Variants in MTDH observed in about 807,000 individuals in gnomAD.
MTDH encodes protein LYRIC.
Under a neutral mutation model 72.7 loss-of-function variants are expected in MTDH, and 34 were observed. The observed-to-expected ratio is 0.47, with a 90% CI of 0.36 to 0.62. The LOEUF (loss-of-function observed/expected upper bound fraction) is 0.62, where lower values mean the gene tolerates loss of function less well. Ranked by LOEUF, MTDH falls within the 20% of genes least tolerant of loss-of-function variation. MTDH has a pLI of 0.00. For synonymous variants in MTDH, 266 were observed against 268.9 expected (o/e 0.99, Z 0.10); for missense variants, 677 against 699.4 (o/e 0.97, Z 0.36).
At chr8:97,705,156 G>A (rs1289521488) in intron 7 of MTDH, among the ~76,000 whole-genome samples, 1 of 151,934 alleles carries the variant, frequency 6.6e-6, no homozygotes, top group African/African-American at 2.4e-5. Context: ...AATTAGCCGG[G>A]TGTGGTGGTG....
intron 7 of MTDH, among the ~76,000 whole-genome samples, chr8:97,702,366 A>G (rs933649700): frequency 2.0e-5 from 3 of 152,224 alleles, no homozygotes; most frequent in Non-Finnish European, 2.9e-5. Flanking sequence ...GCCTTTGCCC[A>G]TATGCAGGTT....
At chr8:97,709,093 A>C (rs932018605) in intron 8 of MTDH, among the ~76,000 whole-genome samples, 1 of 151,622 alleles carries the variant, frequency 6.6e-6, no homozygotes, top group African/African-American at 2.4e-5. Context: ...CATGAGGCTG[A>C]CTGAGGCAAA....
chr8:97,707,969 TTTTTTC>T (rs757083633), intron 8 of MTDH, among the ~76,000 whole-genome samples: 74 of 152,018 alleles, frequency 4.9e-4, no homozygotes, highest in Non-Finnish European at 8.8e-4. Context: ...GGTCTTTTTT[TTTTTTC>T]TTTTTCTTTT....
intron 6 of MTDH, among the ~76,000 whole-genome samples, chr8:97,691,869 GT>G (rs148876283): frequency 0.025 from 3,825 of 151,812 alleles, 105 homozygotes; most frequent in African/African-American, 0.061. Context: ...GTTTTTTGTT[GT>G]TTTTTGTTTG....
chr8:97,712,443 T>G (rs888398529), intron 8 of MTDH, among the ~76,000 whole-genome samples: 1 of 152,230 alleles, frequency 6.6e-6, no homozygotes. Flanking sequence ...CTGAGTGATA[T>G]TCCATGGTCT....
At chr8:97,716,228 A>C (rs1814863879) in intron 9 of MTDH, among the ~76,000 whole-genome samples, 1 of 152,070 alleles carries the variant, frequency 6.6e-6, no homozygotes. Flanking sequence ...CTCTACTAAA[A>C]ATACAGCATT....
chr8:97,644,861 C>A lies in MTDH; in HGVS notation c.355C>A (p.Arg119=). Residue 119 remains arginine, a synonymous_variant, in exon 1 of 12, where the codon CGG becomes AGG. Transcript: ENST00000336273. ...LRSEEQKKKN[R]KKLSEKPKPN... Reference sequence around the variant, plus strand: ...GAGCGAGGAACAGAAGAAGAAGAACCGGAAGAAACTGTCCGAGAAGCCCAA... The same window carrying A: ...GAGCGAGGAACAGAAGAAGAAGAACAGGAAGAAACTGTCCGAGAAGCCCAA... 6.4e-7 allele frequency: 1 copy of A among 1,569,884 alleles called. No individual in the cohort carries two copies. The highest frequency in any genetic ancestry group is 2.0e-5 in the Admixed American group (1 of 49,390).
At position 97,706,678 on chromosome 8, in the gene MTDH, G is replaced by A. The variant is rs758997824; in HGVS notation, c.1200G>A (p.Glu400=). The change falls in exon 8 of 12, where the codon GAG becomes GAA. Residue 400 remains glutamate (E), a synonymous_variant. Coordinates refer to ENST00000336273, the MANE Select transcript of MTDH (RefSeq NM_178812.4). ...CTGATTGGAATGCACCAGCAGAAGAGTGGGGCAATTGGGTAGACGAAGAAA... is the reference window on the plus strand; with the variant it reads ...CTGATTGGAATGCACCAGCAGAAGAATGGGGCAATTGGGTAGACGAAGAAA... ...PNSDWNAPAE[E]WGNWVDEERA... 4 of 1,613,882 alleles carry A rather than the reference G, an allele frequency of 2.5e-6. No homozygotes were observed. In the Admixed American group the frequency reaches 5.0e-5, roughly 20 times the overall value.
chr8:97,667,491 T>C (rs28799093), intron 2 of MTDH, among the ~76,000 whole-genome samples: 6,806 of 152,308 alleles, frequency 0.045, 505 homozygotes, highest in African/African-American at 0.15. Context: ...AAAACACTTA[T>C]GCAATGGCTT....
chr8:97,716,123 A>G (rs1178086477), intron 9 of MTDH, among the ~76,000 whole-genome samples: 1 of 152,208 alleles, frequency 6.6e-6, no homozygotes, highest in Non-Finnish European at 1.5e-5. Context: ...GCGGTGGCTC[A>G]CGCCTATAAT....
intron 1 of MTDH, among the ~76,000 whole-genome samples, chr8:97,654,811 A>T (rs565741955): frequency 6.6e-6 from 1 of 152,256 alleles, no homozygotes; most frequent in East Asian, 1.9e-4. Flanking sequence ...AATAAAATTG[A>T]GATTCTGGCC....
chr8:97,689,334 T>A (rs567448556), intron 5 of MTDH, among the ~76,000 whole-genome samples: 1 of 152,296 alleles, frequency 6.6e-6, no homozygotes, highest in South Asian at 2.1e-4. Flanking sequence ...CCCCCATATA[T>A]AAAAACATTC....
chr8:97,706,541 T>C (rs1032357871), intron 7 of MTDH, 85 bp from the exon 8 acceptor site: 2 of 1,291,642 alleles, frequency 1.5e-6, no homozygotes, highest in Non-Finnish European at 2.1e-6. Flanking sequence ...AATTACAGCT[T>C]AGTTGAACAT....
intron 6 of MTDH, among the ~76,000 whole-genome samples, chr8:97,697,150 A>T (rs7819281): frequency 0.065 from 4,444 of 68,194 alleles, 991 homozygotes; most frequent in African/African-American, 0.3. Flanking sequence ...ATATATATAT[A>T]TTTTTTTTTT....
chr8:97,700,291 T>C (rs1814055565), intron 7 of MTDH, among the ~76,000 whole-genome samples: 1 of 152,128 alleles, frequency 6.6e-6, no homozygotes, highest in Non-Finnish European at 1.5e-5. Flanking sequence ...GGGAAGAATA[T>C]GGTTTGTATG....
chr8:97,657,129 A>G (rs936486107), intron 1 of MTDH, among the ~76,000 whole-genome samples: 3 of 152,138 alleles, frequency 2.0e-5, no homozygotes, highest in African/African-American at 7.2e-5. Context: ...GCACATACAT[A>G]CAAAGTGTTC....
At chr8:97,686,961 A>G (rs1293318447) in intron 3 of MTDH, among the ~76,000 whole-genome samples, 1 of 141,134 alleles carries the variant, frequency 7.1e-6, no homozygotes, top group African/African-American at 3.0e-5. Context: ...ACTGCCCTGA[A>G]ATTTAAAGTC....
intron 6 of MTDH, among the ~76,000 whole-genome samples, chr8:97,692,620 C>A (rs944574759): frequency 2.0e-5 from 3 of 151,466 alleles, no homozygotes; most frequent in Admixed American, 1.3e-4. Context: ...TCAAGTGATC[C>A]ACCCACCTCG....
chr8:97,689,346 G>A (rs1016713931), intron 5 of MTDH, among the ~76,000 whole-genome samples: 2 of 151,884 alleles, frequency 1.3e-5, no homozygotes, highest in Admixed American at 1.3e-4. Flanking sequence ...AAAACATTCA[G>A]TAGTCGCTTA....
Sources: gnomAD v4.1 joint callset for allele counts (sites outside exome capture counted in the v4.1 genomes callset) on GRCh38, gnomAD v4.1.1 for gene constraint, MANE v1.5 for transcripts, NCBI Gene and HGNC (gene_info 2026-07-23, HGNC 2026-07-21) for gene names.